Variants in HORMAD2 observed in about 807,000 individuals in gnomAD.
HORMAD2 encodes the protein HORMA domain-containing protein 2.
HORMAD2 carries 45 observed loss-of-function variants against 38.8 expected under a neutral mutation model. That is an observed-to-expected ratio of 1.16 (90% CI 0.91 to 1.49). HORMAD2 has a LOEUF of 1.49. Among genes scored for constraint, HORMAD2 ranks in the 40% most tolerant of loss-of-function variants. HORMAD2 has a pLI of 0.00. For missense variants in HORMAD2, 338 were observed against 367.0 expected (o/e 0.92, Z 0.65); for synonymous variants, 126 against 122.8 (o/e 1.03, Z -0.17).
chr22:30,161,727 G>T (rs1370371277), intron 10 of HORMAD2, among the ~76,000 whole-genome samples: 2 of 151,820 alleles, frequency 1.3e-5, no homozygotes, highest in Admixed American at 6.6e-5. Context: ...TTTTTTAAAT[G>T]TTCTTTTTTA....
At chr22:30,189,350 G>A in the HORMAD2 span, among the ~76,000 whole-genome samples, 2 of 152,112 alleles carry the variant, frequency 1.3e-5, no homozygotes, top group South Asian at 4.1e-4. Flanking sequence ...GGGGACCAGT[G>A]AGTACCTAGG....
At chr22:30,134,701 GAA>G (rs10716115) in intron 10 of HORMAD2, among the ~76,000 whole-genome samples, 5 of 149,558 alleles carry the variant, frequency 3.3e-5, no homozygotes, top group African/African-American at 1.2e-4. Context: ...ACCAAAAAAA[GAA>G]AAAAAAAGTT....
intron 7 of HORMAD2, among the ~76,000 whole-genome samples, chr22:30,115,718 C>T (rs1042347587): frequency 6.6e-6 from 1 of 152,106 alleles, no homozygotes; most frequent in Non-Finnish European, 1.5e-5. Flanking sequence ...AAAATTAGTA[C>T]AAACAATTTC....
the HORMAD2 span, among the ~76,000 whole-genome samples, chr22:30,187,040 T>C: frequency 6.6e-6 from 1 of 152,182 alleles, no homozygotes; most frequent in Non-Finnish European, 1.5e-5. Context: ...AAACATTGGC[T>C]TTGGGATGTA....
chr22:30,132,308 G>T (rs1923338320), intron 10 of HORMAD2, among the ~76,000 whole-genome samples: 1 of 152,146 alleles, frequency 6.6e-6, no homozygotes, highest in African/African-American at 2.4e-5. Context: ...CAGGCCAGGT[G>T]CAGTGGCTGA....
rs188102854 is a variant in HORMAD2 at position 30,148,035 on chromosome 22, T to A, written c.819+25821T>A. Among the ~76,000 whole-genome samples, 145 of 152,344 alleles carry A rather than the reference T, an allele frequency of 9.5e-4. 1 individual carries two copies. Among genetic ancestry groups the A allele is most frequent in the African/African-American group, 3.2e-3 (135 of 41,576 alleles). On this transcript the variant is annotated intron_variant, in intron 10 of 10. Coordinates refer to ENST00000336726, the MANE Select transcript of HORMAD2 (RefSeq NM_152510.4). ...AGGTGTACAGTCACAAAAAGACCTG[T>A]ACATTAATGTTCATAGCAGCTTTAT...
chr22:30,153,209 A>G (rs553159043), intron 10 of HORMAD2, among the ~76,000 whole-genome samples: 2 of 152,260 alleles, frequency 1.3e-5, no homozygotes, highest in South Asian at 4.2e-4. Context: ...TCTTACTGCC[A>G]AAACTCAAGT....
At chr22:30,104,083 T>G (rs558202597) in intron 4 of HORMAD2, among the ~76,000 whole-genome samples, 1 of 152,180 alleles carries the variant, frequency 6.6e-6, no homozygotes, top group Non-Finnish European at 1.5e-5. Context: ...AAAACTGTGA[T>G]AAAATATTAA....
chr22:30,107,961 C>T (rs759992338), intron 5 of HORMAD2, among the ~76,000 whole-genome samples: 22 of 148,640 alleles, frequency 1.5e-4, no homozygotes, highest in Admixed American at 6.0e-4. Flanking sequence ...CTCTGCCTCC[C>T]GAGTTCAAGC....
intron 10 of HORMAD2, among the ~76,000 whole-genome samples, chr22:30,146,332 A>G (rs1386565613): frequency 2.6e-5 from 4 of 152,028 alleles, no homozygotes; most frequent in African/African-American, 9.7e-5. Flanking sequence ...CTCTGCTAAA[A>G]TAGAAAAAAA....
At chr22:30,183,446 C>T in the HORMAD2 span, among the ~76,000 whole-genome samples, 15 of 152,290 alleles carry the variant, frequency 9.8e-5, no homozygotes, top group African/African-American at 2.4e-4. Context: ...GTGGTGGGAC[C>T]TCCACTCAGC....
the HORMAD2 span, among the ~76,000 whole-genome samples, chr22:30,205,357 C>T: frequency 6.6e-6 from 1 of 152,150 alleles, no homozygotes; most frequent in East Asian, 1.9e-4. Flanking sequence ...CTTCCCAGCT[C>T]TCCCTGCAGT....
chr22:30,180,438 G>C (rs1370208269), downstream of HORMAD2, among the ~76,000 whole-genome samples: 1 of 152,006 alleles, frequency 6.6e-6, no homozygotes, highest in Non-Finnish European at 1.5e-5. Context: ...GTTCCATATG[G>C]GTAATTACTA....
intron 2 of HORMAD2, 135 bp downstream of exon 2, chr22:30,094,138 A>G (rs1337248099): frequency 1.6e-6 from 1 of 606,900 alleles, no homozygotes; most frequent in Non-Finnish European, 2.8e-6. Flanking sequence ...CTGGGAGAGT[A>G]TGTGTACATT....
chr22:30,100,831 A>G (rs1445586829), intron 3 of HORMAD2, among the ~76,000 whole-genome samples: 11 of 152,216 alleles, frequency 7.2e-5, no homozygotes, highest in African/African-American at 2.7e-4. Context: ...CATATGAAAA[A>G]AAGCTCATCA....
chr22:30,120,071 A>G (rs1922325830), intron 8 of HORMAD2, among the ~76,000 whole-genome samples: 1 of 152,202 alleles, frequency 6.6e-6, no homozygotes. Flanking sequence ...AAAAATATAC[A>G]CTGATGGCCA....
At chr22:30,112,689 T>A (rs891211469) in intron 7 of HORMAD2, among the ~76,000 whole-genome samples, 167 bp downstream of exon 7, 2 of 152,114 alleles carry the variant, frequency 1.3e-5, no homozygotes, top group African/African-American at 2.4e-5. Context: ...AATCTCTTAT[T>A]ATGAGATTTT....
intron 1 of HORMAD2, among the ~76,000 whole-genome samples, chr22:30,091,900 G>T (rs908147809): frequency 2.0e-5 from 3 of 150,938 alleles, no homozygotes; most frequent in Non-Finnish European, 4.4e-5. Flanking sequence ...TTTTTGAGAT[G>T]GAGTCTTGCT....
At chr22:30,136,391 T>C (rs535005841) in intron 10 of HORMAD2, among the ~76,000 whole-genome samples, 1 of 152,290 alleles carries the variant, frequency 6.6e-6, no homozygotes, top group East Asian at 1.9e-4. Context: ...CAACCATCAC[T>C]ACAGTCAAAA....
Sources: gnomAD v4.1 joint callset for allele counts (sites outside exome capture counted in the v4.1 genomes callset) on GRCh38, gnomAD v4.1.1 for gene constraint, MANE v1.5 for transcripts, NCBI Gene and HGNC (gene_info 2026-07-23, HGNC 2026-07-21) for gene names.